The following CCND3 variants were observed in gnomAD, a reference collection of about 807,000 sequenced individuals.
The protein encoded by CCND3 is cyclin D3.
A neutral mutation model predicts 28.7 loss-of-function variants in CCND3; 9 were observed. The observed-to-expected ratio is 0.31, with a 90% confidence interval of 0.19 to 0.55. CCND3 has a LOEUF of 0.55. Ranked by LOEUF, CCND3 falls within the 20% of genes least tolerant of loss-of-function variation. The pLI is 0.93. For synonymous variants in CCND3, 164 were observed against 163.9 expected (o/e 1.00, Z 0.00); for missense variants, 315 against 385.8 (o/e 0.82, Z 1.54).
intron 1 of CCND3, among the ~76,000 whole-genome samples, chr6:42,034,468 CTTTTTT>C (rs34822771): frequency 9.8e-5 from 5 of 50,978 alleles, no homozygotes; most frequent in African/African-American, 3.4e-4. Context: ...CCCTGTCACT[CTTTTTT>C]TTTTTTTTTT....
At chr6:42,012,345 G>T (rs1763367442) in intron 1 of CCND3, among the ~76,000 whole-genome samples, 1 of 152,022 alleles carries the variant, frequency 6.6e-6, no homozygotes, top group Non-Finnish European at 1.5e-5. Flanking sequence ...TGGGATGGGG[G>T]CGGGGAGTGG....
rs1303943743 is a variant in CCND3, at chr6:42,048,036, T to C, written c.-46+465A>G. 1.3e-5 allele frequency: 2 copies of C among 153,674 alleles called. No homozygotes were observed. Among genetic ancestry groups the C allele is most frequent in the Non-Finnish European group, 2.9e-5 (2 of 68,830 alleles). 9.5% of individuals were successfully genotyped at this position (153,674 alleles called of 1,614,324 possible). A position where few individuals can be genotyped will look rare whatever the true frequency, so the allele number is the denominator to read the frequency against. On this transcript the variant is annotated intron_variant, in intron 1 of 4. Coordinates refer to the CCND3 transcript ENST00000372988. The surrounding 1 kb of genome is among the most constrained non-coding windows in gnomAD (Gnocchi z 4.7). Reference sequence around the variant, plus strand: ...CAACCAATTTATTCAGTTATTCCTCTTGTTGGCACTTCAAGAGACACAGAA... The same window carrying C: ...CAACCAATTTATTCAGTTATTCCTCCTGTTGGCACTTCAAGAGACACAGAA...
At chr6:42,008,688 T>A (rs2127426179) in intron 1 of CCND3, among the ~76,000 whole-genome samples, 1 of 152,314 alleles carries the variant, frequency 6.6e-6, no homozygotes, top group South Asian at 2.1e-4. Flanking sequence ...CTGGAAAGGG[T>A]CTATGTGCAT....
At chr6:42,022,724 C>T (rs576164023) in intron 1 of CCND3, among the ~76,000 whole-genome samples, 64 of 152,298 alleles carry the variant, frequency 4.2e-4, no homozygotes, top group Admixed American at 2.0e-3. Flanking sequence ...GTGGGTCTGG[C>T]TCGCAAGGGA....
At chr6:41,946,458 G>A (rs377019865), upstream of CCND3, among the ~76,000 whole-genome samples, 11 of 151,236 alleles carry the variant, frequency 7.3e-5, no homozygotes, top group East Asian at 1.9e-4. Context: ...AAAATTAGCC[G>A]AACGCAGTGG....
At chr6:42,041,593 G>T (rs4331978) in intron 1 of CCND3, among the ~76,000 whole-genome samples, 7,724 of 152,200 alleles carry the variant, frequency 0.051, 346 homozygotes, top group African/African-American at 0.11. Flanking sequence ...AAAGGAAAAG[G>T]CAGCCTTGCA....
chr6:41,936,690 T>C lies in CCND3; in HGVS notation c.580A>G (p.Thr194Ala). 4 of 1,613,260 alleles carry C rather than the reference T, an allele frequency of 2.5e-6. No homozygotes were observed. Among genetic ancestry groups the C allele is most frequent in the Non-Finnish European group, 3.4e-6 (4 of 1,179,676 alleles). ...TFLALCATDY[T>A]FAMYPPSMIA... ...ATGGATGGCGGGTACATGGCAAAGG[T>C]ATAATCTTGGAGAGGAGGAAAGGGA... Residue 194 changes from threonine (T) to alanine (A), a missense_variant, in exon 4 of 5, where the codon ACC becomes GCC. Coordinates refer to ENST00000372991, the MANE Select transcript of CCND3 (RefSeq NM_001760.5). This position sits in a 1 kb window ranked among gnomAD's most constrained non-coding sequence, Gnocchi z 4.4.
intron 1 of CCND3, among the ~76,000 whole-genome samples, chr6:41,956,342 T>C (rs929814705): frequency 2.6e-5 from 4 of 152,048 alleles, no homozygotes; most frequent in Non-Finnish European, 5.9e-5. Flanking sequence ...ACCAGGAAAG[T>C]GCCAAACATG....
chr6:41,995,039 TC>T (rs1347870156), intron 1 of CCND3, among the ~76,000 whole-genome samples: 1 of 151,950 alleles, frequency 6.6e-6, no homozygotes. Flanking sequence ...GCCATTGCAT[TC>T]CAGCCTGGGC....
intron 1 of CCND3, among the ~76,000 whole-genome samples, chr6:42,025,878 G>A (rs748396878): frequency 1.4e-4 from 21 of 152,150 alleles, no homozygotes; most frequent in Non-Finnish European, 2.4e-4. Flanking sequence ...CATGGTACCC[G>A]GTGTATCCAT....
At chr6:41,937,594 T>G (rs1369611481) in intron 2 of CCND3, 200 bp from the exon 3 acceptor site, 4 of 609,054 alleles carry the variant, frequency 6.6e-6, no homozygotes, top group South Asian at 4.0e-5. Flanking sequence ...GAGCACTTAC[T>G]GATCATTTAC....
chr6:42,046,132 C>T (rs979868726), intron 1 of CCND3, among the ~76,000 whole-genome samples: 3 of 152,234 alleles, frequency 2.0e-5, no homozygotes, highest in Non-Finnish European at 4.4e-5. Context: ...GCACGAAGTG[C>T]TTTGACTGCA....
intron 1 of CCND3, among the ~76,000 whole-genome samples, chr6:42,015,706 T>G (rs1042139329): frequency 2.0e-5 from 3 of 150,438 alleles, no homozygotes; most frequent in East Asian, 2.0e-4. Context: ...CAAGACTCCA[T>G]CTCAAAAAAT....
At chr6:42,039,450 G>A (rs1167820045) in intron 1 of CCND3, among the ~76,000 whole-genome samples, 1 of 152,192 alleles carries the variant, frequency 6.6e-6, no homozygotes, top group Non-Finnish European at 1.5e-5. Flanking sequence ...GGCCAGGGCT[G>A]CCACCCATTG....
At position 41,987,803 on chromosome 6, in the gene CCND3, C is replaced by T. The variant is rs565530138; in HGVS notation, c.-45-47218G>A. Among the ~76,000 whole-genome samples, 41 of 151,600 alleles carry T rather than the reference C, an allele frequency of 2.7e-4. 1 individual carries two copies. The East Asian group carries it at 5.6e-3, about 21-fold the overall frequency. ...AGGTGTGAGCCAGCATGACAGGCCA[C>T]GGAATTTTTTTCTGAATGGTGAATT... On this transcript the variant is annotated intron_variant, in intron 1 of 4. Transcript: ENST00000372988.
chr6:41,964,499 A>G (rs4714523), intron 1 of CCND3, among the ~76,000 whole-genome samples: 11 of 103,328 alleles, frequency 1.1e-4, no homozygotes, highest in African/African-American at 5.3e-4. Context: ...TGTGTGTGTG[A>G]GTGTGTGTGT....
chr6:41,986,383 C>CAT (rs55633737), intron 1 of CCND3, among the ~76,000 whole-genome samples: 150,492 of 151,966 alleles, frequency 0.99, 74,530 homozygotes, highest in Middle Eastern at 1. Flanking sequence ...TTAATTTAAA[C>CAT]ATTAATTCTT....
Position 41,936,182 on chromosome 6 carries a change from G to T in CCND3, c.712-75C>A. 1.4e-6 allele frequency: 2 copies of T among 1,463,066 alleles called. No individual in the cohort carries two copies. Among genetic ancestry groups the T allele is most frequent in the Non-Finnish European group, 9.2e-7 (1 of 1,091,336 alleles). The allele number at this position is 1,463,066 out of a possible 1,614,324, so 90.6% of individuals were successfully genotyped here. A position where few individuals can be genotyped will look rare whatever the true frequency, so the allele number is the denominator to read the frequency against. ...TGGCAGCAGGTGCAGGGGAAGGACA[G>T]CTCCCAACACATGGGGAAGTCTGGG... On this transcript the variant is annotated intron_variant, in intron 4 of 4. Coordinates refer to ENST00000372991, the MANE Select transcript of CCND3 (RefSeq NM_001760.5). This position sits in a 1 kb window ranked among gnomAD's most constrained non-coding sequence, Gnocchi z 4.4.
chr6:41,951,464 A>T (rs1249757868), intron 1 of CCND3, among the ~76,000 whole-genome samples: 3 of 146,720 alleles, frequency 2.0e-5, no homozygotes, highest in African/African-American at 7.5e-5. Flanking sequence ...CGGGAGGCTG[A>T]GGCAGGAGAA....
Sources: allele counts gnomAD v4.1 joint callset (sites outside exome capture counted in the v4.1 genomes callset), GRCh38; gene constraint gnomAD v4.1.1; non-coding constraint Gnocchi (gnomAD v3.1); transcripts MANE v1.5; gene names NCBI Gene and HGNC (gene_info 2026-07-23, HGNC 2026-07-21).